Variants in B4GALNT3 observed in about 807,000 individuals in gnomAD.
The protein encoded by B4GALNT3 is beta-1,4-N-acetylgalactosaminyltransferase 3.
B4GALNT3 carries 86 observed loss-of-function variants against 120.2 expected under a neutral mutation model. The ratio of observed to expected loss-of-function variants is 0.72; its 90% CI spans 0.60 to 0.86. The LOEUF is 0.86. Among genes scored for constraint, B4GALNT3 ranks in the 40% least tolerant of loss-of-function variants. B4GALNT3 has a pLI of 0.00. For missense variants in B4GALNT3, 1,167 were observed against 1,298.9 expected (o/e 0.90, Z 1.56); for synonymous variants, 518 against 510.4 (o/e 1.01, Z -0.20).
In B4GALNT3 at chr12:559,424, G is replaced by T; in HGVS notation, c.2888+3G>T. 1.2e-6 allele frequency: 2 copies of T among 1,613,520 alleles called. No individual in the cohort carries two copies. The highest frequency in any genetic ancestry group is 2.2e-5 in the South Asian group (2 of 91,008). On this transcript the variant is annotated splice_donor_region_variant and intron_variant, in intron 19 of 19. Coordinates refer to ENST00000266383, the MANE Select transcript of B4GALNT3 (RefSeq NM_173593.4). The stretch of plus-strand genomic sequence containing the variant: ...GAAGACTGGGAGCTGCTGGACAGGT[G>T]ACTGGGAAGAGGAGGGCATCCACGA...
chr12:473,707 T>G (rs1224568592), intron 1 of B4GALNT3, among the ~76,000 whole-genome samples: 1 of 152,172 alleles, frequency 6.6e-6, no homozygotes, highest in African/African-American at 2.4e-5. Context: ...ATTCAGCAGG[T>G]GTTTACTGAG....
At chr12:467,033 C>T (rs888190566) in intron 1 of B4GALNT3, among the ~76,000 whole-genome samples, 5 of 152,002 alleles carry the variant, frequency 3.3e-5, no homozygotes, top group African/African-American at 1.2e-4. Context: ...ATTAGTTTAG[C>T]ATATTTTAAT....
At chr12:512,021 C>T (rs1197185831) in intron 1 of B4GALNT3, among the ~76,000 whole-genome samples, 1 of 145,974 alleles carries the variant, frequency 6.9e-6, no homozygotes, top group Non-Finnish European at 1.5e-5. Context: ...CACCTTCCGC[C>T]TTCCACCTTC....
chr12:497,395 G>A (rs191435369), intron 1 of B4GALNT3, among the ~76,000 whole-genome samples: 3 of 151,382 alleles, frequency 2.0e-5, no homozygotes, highest in African/African-American at 2.4e-5. Context: ...CGCCCGCCTC[G>A]GCCTCCCAAA....
chr12:480,606 G>A (rs970581223), intron 1 of B4GALNT3, among the ~76,000 whole-genome samples: 1 of 152,076 alleles, frequency 6.6e-6, no homozygotes, highest in Non-Finnish European at 1.5e-5. Flanking sequence ...GGAGATGCCT[G>A]GGTTCCTATT....
chr12:552,327 AC>A, intron 12 of B4GALNT3, 139 bp from the exon 13 acceptor site: 1 of 852,036 alleles, frequency 1.2e-6, no homozygotes, highest in East Asian at 2.6e-5. Flanking sequence ...ACACACACAC[AC>A]ACACACACCC....
intron 19 of B4GALNT3, among the ~76,000 whole-genome samples, chr12:560,257 A>G (rs1947212978): frequency 6.6e-6 from 1 of 152,140 alleles, no homozygotes; most frequent in Non-Finnish European, 1.5e-5. Context: ...CAAGGTCAGG[A>G]GCACTGGGGG....
At chr12:545,740 G>A (rs1385613249) in intron 6 of B4GALNT3, among the ~76,000 whole-genome samples, 3 of 139,786 alleles carry the variant, frequency 2.1e-5, no homozygotes, top group Admixed American at 7.1e-5. Flanking sequence ...GAGGAGCGAG[G>A]AGTGGGGAGG....
chr12:489,377 T>C (rs1321705048), intron 1 of B4GALNT3, among the ~76,000 whole-genome samples: 2 of 127,432 alleles, frequency 1.6e-5, no homozygotes, highest in South Asian at 2.4e-4. Flanking sequence ...AAGACAAAAA[T>C]AGAAAGAGAG....
At chr12:544,243 G>A in intron 3 of B4GALNT3, 96 bp from the exon 4 acceptor site, 1 of 1,141,490 alleles carries the variant, frequency 8.8e-7, no homozygotes, top group Non-Finnish European at 1.3e-6. Flanking sequence ...CTGAGGGTCT[G>A]GGGCGGGCAT....
intron 3 of B4GALNT3, among the ~76,000 whole-genome samples, chr12:542,760 C>T (rs2120684480): frequency 6.6e-6 from 1 of 152,358 alleles, no homozygotes; most frequent in Admixed American, 6.5e-5. Context: ...ACCCAACTGG[C>T]ACTGCCCCGA....
intron 4 of B4GALNT3, 86 bp downstream of exon 4, chr12:544,520 T>C (rs547634433): frequency 2.4e-6 from 3 of 1,232,760 alleles, no homozygotes; most frequent in East Asian, 4.7e-5. Context: ...CTTACATCTT[T>C]TCTGGTCCAT....
chr12:513,180 T>TCTTCCAC (rs201505869), intron 1 of B4GALNT3, among the ~76,000 whole-genome samples: 159 of 142,934 alleles, frequency 1.1e-3, no homozygotes, highest in African/African-American at 2.0e-3. Flanking sequence ...CCTTCCACCT[T>TCTTCCAC]CTTCCACCTT....
intron 1 of B4GALNT3, among the ~76,000 whole-genome samples, chr12:480,816 C>T (rs73590357): frequency 0.029 from 4,440 of 152,180 alleles, 179 homozygotes; most frequent in South Asian, 0.097. Flanking sequence ...GAGCCTTTGG[C>T]GGGAGAGGCG....
At chr12:538,414 C>T (rs1193789641) in intron 3 of B4GALNT3, among the ~76,000 whole-genome samples, 1 of 151,706 alleles carries the variant, frequency 6.6e-6, no homozygotes, top group African/African-American at 2.4e-5. Flanking sequence ...AAAAAAATAG[C>T]TAGCCGTGGT....
chr12:473,836 G>T (rs535768874), intron 1 of B4GALNT3, among the ~76,000 whole-genome samples: 1 of 152,242 alleles, frequency 6.6e-6, no homozygotes, highest in East Asian at 1.9e-4. Flanking sequence ...GAGGATAATC[G>T]CGTAAACAAA....
At chr12:475,137 GAGAAA>G (rs1263162776) in intron 1 of B4GALNT3, among the ~76,000 whole-genome samples, 2 of 151,862 alleles carry the variant, frequency 1.3e-5, no homozygotes, top group Non-Finnish European at 2.9e-5. Flanking sequence ...GAAGAGAAGA[GAGAAA>G]AGAAAAAAGG....
intron 1 of B4GALNT3, among the ~76,000 whole-genome samples, chr12:513,326 AC>A (rs1364186531): frequency 6.6e-6 from 1 of 152,264 alleles, no homozygotes; most frequent in African/African-American, 2.4e-5. Flanking sequence ...TGACTATTCC[AC>A]AAGCAGAGCA....
At chr12:480,206 C>T (rs1264077451) in intron 1 of B4GALNT3, among the ~76,000 whole-genome samples, 2 of 139,374 alleles carry the variant, frequency 1.4e-5, no homozygotes, top group Non-Finnish European at 1.6e-5. Context: ...TGAGCCACCG[C>T]GCCCGGCCAG....
Sources: gnomAD v4.1 joint callset for allele counts (sites outside exome capture counted in the v4.1 genomes callset) on GRCh38, gnomAD v4.1.1 for gene constraint, MANE v1.5 for transcripts, NCBI Gene and HGNC (gene_info 2026-07-23, HGNC 2026-07-21) for gene names.